The following BPIFB3 variants were observed in gnomAD, a reference collection of about 807,000 sequenced individuals.
The protein encoded by BPIFB3 is BPI fold-containing family B member 3.
Under a neutral mutation model 53.1 loss-of-function variants are expected in BPIFB3, and 49 were observed. The observed-to-expected ratio is 0.92, with a 90% CI of 0.73 to 1.17. BPIFB3 has a LOEUF of 1.17. BPIFB3 is among the 50% of genes most tolerant of loss of function. The probability of loss-of-function intolerance (pLI) is 0.00; values close to 1 mark genes in which losing one functional copy is unlikely to be tolerated. For missense variants in BPIFB3, 628 were observed against 592.5 expected, an observed-to-expected ratio of 1.06 and a Z score of -0.62; for synonymous variants, 271 against 269.6, an observed-to-expected ratio of 1.01 and a Z score of -0.05.
chr20:33,070,793 C>T (rs1458246841), intron 11 of BPIFB3, among the ~76,000 whole-genome samples: 1 of 152,238 alleles, frequency 6.6e-6, no homozygotes, highest in African/African-American at 2.4e-5. Flanking sequence ...TGCACCTCCA[C>T]TTCCTGATGG....
intron 4 of BPIFB3, among the ~76,000 whole-genome samples, chr20:33,060,461 T>C (rs1018185529): frequency 6.6e-6 from 1 of 152,202 alleles, no homozygotes; most frequent in Non-Finnish European, 1.5e-5. Flanking sequence ...CATCTGTATA[T>C]GTGGAGCTGG....
intron 3 of BPIFB3, 95 bp from the exon 5 acceptor site, chr20:33,059,796 C>T (rs549572744): frequency 2.5e-5 from 37 of 1,496,998 alleles, no homozygotes; most frequent in Admixed American, 1.4e-4. Context: ...GAGAAGGGGG[C>T]ACAGAGCCTA....
At chr20:33,070,807 T>G (rs1235132035) in intron 11 of BPIFB3, among the ~76,000 whole-genome samples, 3 of 152,206 alleles carry the variant, frequency 2.0e-5, no homozygotes, top group Non-Finnish European at 4.4e-5. Context: ...CTGATGGCAG[T>G]TCACGCCTCA....
chr20:33,059,444 G>C (rs1178021677), exon 3 of BPIFB3: 2 of 1,612,678 alleles, frequency 1.2e-6, no homozygotes, highest in Non-Finnish European at 1.7e-6. Context: ...TTGGGGTGCA[G>C]CTGAGCCTGC....
chr20:33,058,283 C>T (rs559430903), intron 2 of BPIFB3, among the ~76,000 whole-genome samples: 3 of 152,238 alleles, frequency 2.0e-5, no homozygotes, highest in Admixed American at 6.5e-5. Context: ...ACATAATGTC[C>T]GGAAAGCAGG....
In BPIFB3 at chr20:33,072,173, G is replaced by T; in HGVS notation, c.1324+6G>T. The T allele has an allele frequency of 2.5e-6, 4 of 1,614,140 alleles. No homozygotes were observed. Among genetic ancestry groups the T allele is most frequent in the Non-Finnish European group, 1.7e-6 (2 of 1,179,984 alleles). On this transcript the variant is annotated splice_donor_region_variant and intron_variant, in intron 13 of 14. Transcript: ENST00000375494. ...GTATGCACCAAAGCTTAACGGTATG[G>T]CAGGTTTTGCTCTCTTGGACACATG...
At chr20:33,054,068 C>A (rs1394478649), upstream of BPIFB3, among the ~76,000 whole-genome samples, 1 of 152,110 alleles carries the variant, frequency 6.6e-6, no homozygotes, top group Non-Finnish European at 1.5e-5. Context: ...AAGAACTCAC[C>A]CTAGGAGGAG....
chr20:33,064,352 G>A (rs963246586), intron 6 of BPIFB3, 105 bp from the exon 8 acceptor site: 2 of 913,536 alleles, frequency 2.2e-6, no homozygotes, highest in African/African-American at 1.6e-5. Flanking sequence ...TGAATGCTTA[G>A]TAGAGTGCTA....
chr20:33,067,409 G>A (rs1041721864), intron 9 of BPIFB3, among the ~76,000 whole-genome samples: 4 of 152,196 alleles, frequency 2.6e-5, no homozygotes, highest in Non-Finnish European at 5.9e-5. Context: ...CTACTACAAG[G>A]TCCTTATGTA....
chr20:33,069,844 C>T, intron 10 of BPIFB3, 44 bp from the exon 12 acceptor site: 1 of 1,607,264 alleles, frequency 6.2e-7, no homozygotes, highest in Non-Finnish European at 8.5e-7. Context: ...CCTCAAGCTC[C>T]TTCTGCCGAT....
At chr20:33,060,754 G>A (rs572290066) in intron 4 of BPIFB3, among the ~76,000 whole-genome samples, 1 of 152,100 alleles carries the variant, frequency 6.6e-6, no homozygotes, top group Non-Finnish European at 1.5e-5. Context: ...TAATAGAGAC[G>A]GGGTTTCACC....
intron 2 of BPIFB3, among the ~76,000 whole-genome samples, chr20:33,058,311 T>G (rs530175126): frequency 6.6e-6 from 1 of 152,316 alleles, no homozygotes; most frequent in African/African-American, 2.4e-5. Flanking sequence ...ATGCTGATGT[T>G]GCTCGAGGTT....
At chr20:33,061,976 G>C in intron 5 of BPIFB3, 145 bp downstream of exon 6, 1 of 935,018 alleles carries the variant, frequency 1.1e-6, no homozygotes, top group Non-Finnish European at 1.6e-6. Flanking sequence ...CGGGCCTGCT[G>C]ACCGGCCTTC....
intron 5 of BPIFB3, 102 bp from the exon 7 acceptor site, chr20:33,063,513 C>T: frequency 7.4e-7 from 1 of 1,349,154 alleles, no homozygotes. Flanking sequence ...TGCCTTGGTC[C>T]CCAGCACCAC....
At chr20:33,061,515 A>T (rs908351824) in intron 4 of BPIFB3, among the ~76,000 whole-genome samples, 1 of 152,118 alleles carries the variant, frequency 6.6e-6, no homozygotes, top group Non-Finnish European at 1.5e-5. Context: ...AGCCACATAC[A>T]CACTCCCATG....
upstream of BPIFB3, among the ~76,000 whole-genome samples, chr20:33,054,276 C>T (rs1474893362): frequency 6.6e-6 from 1 of 152,054 alleles, no homozygotes; most frequent in Non-Finnish European, 1.5e-5. Flanking sequence ...TTTCTATCCC[C>T]TGCCCCCTCA....
rs556191971 is a variant in BPIFB3 at position 33,061,744 on chromosome 20, C to T, written c.528-24C>T. 2.8e-5 allele frequency: 45 copies of T among 1,613,264 alleles called. No homozygotes were observed. In the East Asian group the frequency reaches 9.6e-4, roughly 34 times the overall value. On this transcript the variant is annotated intron_variant, in intron 4 of 14. Transcript: ENST00000375494. Reference sequence around the variant, plus strand: ...TGAACCGTCCACCTGGCAGCCGCACCCACATGTGTCTCCCTCTGCTCAGGC... The same window carrying T: ...TGAACCGTCCACCTGGCAGCCGCACTCACATGTGTCTCCCTCTGCTCAGGC...
At chr20:33,067,755 G>T (rs886770206) in intron 9 of BPIFB3, among the ~76,000 whole-genome samples, 1 of 152,182 alleles carries the variant, frequency 6.6e-6, no homozygotes, top group Non-Finnish European at 1.5e-5. Flanking sequence ...CTCCAGCATG[G>T]GGAAGCTGGG....
intron 9 of BPIFB3, among the ~76,000 whole-genome samples, chr20:33,067,820 G>GAGCCCCA (rs1980729345): frequency 6.6e-6 from 1 of 152,210 alleles, no homozygotes; most frequent in Admixed American, 6.5e-5. Context: ...CGCAGCTTTA[G>GAGCCCCA]AGCCCCATGT....
Sources: gnomAD v4.1 joint callset for allele counts (sites outside exome capture counted in the v4.1 genomes callset) on GRCh38, gnomAD v4.1.1 for gene constraint, MANE v1.5 for transcripts, NCBI Gene and HGNC (gene_info 2026-07-23, HGNC 2026-07-21) for gene names.